The following ZNF395 variants were observed in gnomAD, a reference collection of about 807,000 sequenced individuals.
ZNF395 encodes the protein HD gene regulatory region-binding protein 2.
In ZNF395, 20 loss-of-function variants were observed where a neutral mutation model predicts 57.7. That is an observed-to-expected ratio of 0.35 (90% CI 0.24 to 0.50). ZNF395 has a LOEUF of 0.50. ZNF395 is among the 20% of genes least tolerant of loss of function. ZNF395 has a pLI of 0.97. For missense variants in ZNF395, 606 were observed against 671.2 expected, an observed-to-expected ratio of 0.90 and a Z score of 1.07; for synonymous variants, 295 against 275.9, an observed-to-expected ratio of 1.07 and a Z score of -0.69.
In ZNF395 at chr8:28,351,432, A is replaced by C. The variant is rs1408699783; in HGVS notation, c.1233+63T>G. 6 of 1,499,882 alleles carry C rather than the reference A, an allele frequency of 4.0e-6. No homozygotes were observed. The Admixed American group carries it at 6.6e-5, about 16-fold the overall frequency. The allele number at this position is 1,499,882 out of a possible 1,614,324, so 92.9% of individuals were successfully genotyped here. On this transcript the variant is annotated intron_variant, in intron 7 of 9. Coordinates refer to ENST00000344423, the MANE Select transcript of ZNF395 (RefSeq NM_018660.3). ...TCCATCAGGGTGGTCGGTAGCCTGT[A>C]ATCAAGCTGGCCCGTGATGAGTCAG...
At chr8:28,349,628 G>C (rs948050972) in intron 8 of ZNF395, among the ~76,000 whole-genome samples, 1 of 152,190 alleles carries the variant, frequency 6.6e-6, no homozygotes, top group Non-Finnish European at 1.5e-5. Context: ...ATGACTTCCC[G>C]CTTACTTGAG....
At chr8:28,362,625 T>A (rs541743580) in intron 1 of ZNF395, among the ~76,000 whole-genome samples, 7 of 147,318 alleles carry the variant, frequency 4.8e-5, no homozygotes, top group African/African-American at 1.7e-4. Context: ...AACAGCTGCA[T>A]AAGCCTTCTT....
intron 1 of ZNF395, among the ~76,000 whole-genome samples, chr8:28,379,004 G>C (rs535983778): frequency 1.3e-5 from 2 of 152,290 alleles, no homozygotes; most frequent in Middle Eastern, 3.4e-3. Context: ...TACAGACAAG[G>C]AATCATGTAA....
At position 28,356,800 on chromosome 8, in the gene ZNF395, G is replaced by T; in HGVS notation, c.474-21C>A. 2 of 1,601,918 alleles carry T rather than the reference G, an allele frequency of 1.2e-6. No homozygotes were observed. Among genetic ancestry groups the T allele is most frequent in the Non-Finnish European group, 8.5e-7 (1 of 1,170,808 alleles). On this transcript the variant is annotated intron_variant, in intron 3 of 9. Transcript: ENST00000344423. This position sits in a 1 kb window ranked among gnomAD's most constrained non-coding sequence, Gnocchi z 4.0. ...ACTTCCTGGATTCACACGGATGAGT[G>T]GGAAATGTTACTTCCTGGCATGGCG...
chr8:28,365,967 G>A (rs1326901226), intron 1 of ZNF395, among the ~76,000 whole-genome samples: 1 of 152,138 alleles, frequency 6.6e-6, no homozygotes, highest in Non-Finnish European at 1.5e-5. Flanking sequence ...ACTTGTGTGC[G>A]TGCACACACA....
intron 1 of ZNF395, among the ~76,000 whole-genome samples, chr8:28,373,251 G>A (rs1366346469): frequency 6.6e-6 from 1 of 152,202 alleles, no homozygotes; most frequent in African/African-American, 2.4e-5. Context: ...CCACAAAGCT[G>A]TCTTCGGGAA....
rs1038869032 is a variant in ZNF395 at position 28,356,317 on chromosome 8, T to A, written c.583+353A>T. On this transcript the variant is annotated intron_variant, in intron 4 of 9. Coordinates refer to ENST00000344423, the MANE Select transcript of ZNF395 (RefSeq NM_018660.3). This position sits in a 1 kb window ranked among gnomAD's most constrained non-coding sequence, Gnocchi z 4.0. The stretch of plus-strand genomic sequence containing the variant: ...GAGGCCACTAGGAGACCATTTAGCA[T>A]ATTGCTACTTTGTGAACTAAATATT... Among the ~76,000 whole-genome samples, 1 of 152,238 alleles carries A rather than the reference T, an allele frequency of 6.6e-6. No individual in the cohort carries two copies. The highest frequency in any genetic ancestry group is 2.4e-5 in the African/African-American group (1 of 41,460).
At position 28,378,401 on chromosome 8, in the gene ZNF395, T is replaced by C. The variant is rs1050545298; in HGVS notation, c.-59+7992A>G. Among the ~76,000 whole-genome samples, 11 of 152,070 alleles carry C rather than the reference T, an allele frequency of 7.2e-5. No homozygotes were observed. In the East Asian group the frequency reaches 1.5e-3, roughly 21 times the overall value. ...CCATGGGCAGGTGTACCATCATGCTTGGTTAATTTTTCTATTTTTTGCATA... is the reference window on the plus strand; with the variant it reads ...CCATGGGCAGGTGTACCATCATGCTCGGTTAATTTTTCTATTTTTTGCATA... On this transcript the variant is annotated intron_variant, in intron 1 of 9. Transcript: ENST00000344423.
chr8:28,368,739 C>T (rs181627990), intron 1 of ZNF395, among the ~76,000 whole-genome samples: 15 of 151,704 alleles, frequency 9.9e-5, no homozygotes, highest in East Asian at 7.8e-4. Flanking sequence ...AGCCTAACAA[C>T]GCCCCAGGTG....
chr8:28,355,145 G>C (rs140018336), intron 4 of ZNF395, among the ~76,000 whole-genome samples: 274 of 152,122 alleles, frequency 1.8e-3, no homozygotes, highest in African/African-American at 6.0e-3. Flanking sequence ...ATAAAGTACT[G>C]CTCTACAAAT....
At chr8:28,372,109 C>A (rs923795974) in intron 1 of ZNF395, among the ~76,000 whole-genome samples, 1 of 152,088 alleles carries the variant, frequency 6.6e-6, no homozygotes, top group Non-Finnish European at 1.5e-5. Flanking sequence ...AATGACCTCA[C>A]CACTCTGTGC....
intron 9 of ZNF395, 57 bp from the exon 10 acceptor site, chr8:28,348,887 T>C: frequency 1.9e-6 from 3 of 1,559,010 alleles, no homozygotes; most frequent in South Asian, 1.1e-5. Context: ...CCCAGGAGAG[T>C]GGCCAAGTGG....
intron 5 of ZNF395, 118 bp downstream of exon 5, chr8:28,353,055 G>A: frequency 1.1e-6 from 1 of 886,818 alleles, no homozygotes; most frequent in Non-Finnish European, 1.8e-6. Flanking sequence ...AAACCGAAAT[G>A]GGAGTGAACC....
chr8:28,377,598 G>A (rs1269267922), intron 1 of ZNF395, among the ~76,000 whole-genome samples: 1 of 151,858 alleles, frequency 6.6e-6, no homozygotes, highest in Non-Finnish European at 1.5e-5. Flanking sequence ...GTGCTCCTGG[G>A]GATATAAATC....
At chr8:28,365,142 G>A (rs1443866992) in intron 1 of ZNF395, among the ~76,000 whole-genome samples, 11 of 152,172 alleles carry the variant, frequency 7.2e-5, no homozygotes, top group East Asian at 1.9e-4. Context: ...TCGATGCCTC[G>A]CCTGTGTTAA....
Position 28,351,228 on chromosome 8 carries a change from T to G in ZNF395, c.1233+267A>C, listed in dbSNP as rs114727156. Among the ~76,000 whole-genome samples the G allele has an allele frequency of 2.9e-3, 447 of 152,282 alleles. 1 individual carries two copies. Among genetic ancestry groups the G allele is most frequent in the African/African-American group, 0.01 (435 of 41,570 alleles). On this transcript the variant is annotated intron_variant, in intron 7 of 9. Transcript: ENST00000344423. ...TCTCTTATAAGCAGAGGTGTGACAA[T>G]TCCCCCACCCAAATCCATCGCCCAG...
chr8:28,374,010 A>G (rs565996240), intron 1 of ZNF395, among the ~76,000 whole-genome samples: 1 of 152,290 alleles, frequency 6.6e-6, no homozygotes, highest in African/African-American at 2.4e-5. Flanking sequence ...GGTGCTATAG[A>G]GGTCTGTGCA....
chr8:28,354,097 G>A (rs1801751844), intron 4 of ZNF395, among the ~76,000 whole-genome samples: 1 of 152,206 alleles, frequency 6.6e-6, no homozygotes, highest in Non-Finnish European at 1.5e-5. Context: ...GTTTGGAGGA[G>A]GAAAGACAAG....
chr8:28,383,329 C>A (rs1337383259), intron 1 of ZNF395, among the ~76,000 whole-genome samples: 3 of 152,136 alleles, frequency 2.0e-5, no homozygotes, highest in African/African-American at 4.8e-5. Context: ...AGAAAAAAAG[C>A]ACCAGCTCCC....
Sources: allele counts gnomAD v4.1 joint callset (sites outside exome capture counted in the v4.1 genomes callset), GRCh38; gene constraint gnomAD v4.1.1; non-coding constraint Gnocchi (gnomAD v3.1); transcripts MANE v1.5; gene names NCBI Gene and HGNC (gene_info 2026-07-23, HGNC 2026-07-21).